IL1RAP: variants seen among roughly 807,000 people sequenced by gnomAD.
IL1RAP encodes the protein interleukin 1 receptor accessory protein.
IL1RAP carries 35 observed loss-of-function variants against 60.7 expected under a neutral mutation model. The ratio of observed to expected loss-of-function variants is 0.58; its 90% CI spans 0.44 to 0.76. IL1RAP has a LOEUF of 0.76. IL1RAP is among the 30% of genes least tolerant of loss of function. IL1RAP has a pLI of 0.00. For missense variants in IL1RAP, 572 were observed against 693.9 expected, an observed-to-expected ratio of 0.82 and a Z score of 1.97; for synonymous variants, 268 against 250.9, an observed-to-expected ratio of 1.07 and a Z score of -0.64.
rs1734241134 is a variant in IL1RAP, at chr3:190,649,108, G to C, written c.*403G>C. ...ACAGGGTCATGAGTTTCCGAGTATAGTTTTCTTTTTATCTTATTTTTACTC... is the reference window on the plus strand; with the variant it reads ...ACAGGGTCATGAGTTTCCGAGTATACTTTTCTTTTTATCTTATTTTTACTC... On this transcript the variant is annotated 3_prime_UTR_variant, in exon 12 of 12. Coordinates refer to ENST00000447382, the MANE Select transcript of IL1RAP (RefSeq NM_002182.4). 2 of 988,204 alleles carry C rather than the reference G, an allele frequency of 2.0e-6. No homozygotes were observed. The highest frequency in any genetic ancestry group is 2.4e-6 in the Non-Finnish European group (2 of 831,868). 61.2% of individuals were successfully genotyped at this position (988,204 alleles called of 1,614,324 possible).
At chr3:190,517,446 C>T (rs561458182) in intron 1 of IL1RAP, among the ~76,000 whole-genome samples, 97 of 152,180 alleles carry the variant, frequency 6.4e-4, no homozygotes, top group Non-Finnish European at 1.2e-3. Context: ...GCAAAGGTGG[C>T]ATTTGCAGAA....
chr3:190,514,697 C>A (rs1379978702), intron 1 of IL1RAP, among the ~76,000 whole-genome samples: 2 of 152,228 alleles, frequency 1.3e-5, no homozygotes, highest in Non-Finnish European at 2.9e-5. Context: ...TGCAGCCTCA[C>A]TCCCTCTTCC....
intron 3 of IL1RAP, among the ~76,000 whole-genome samples, chr3:190,595,953 C>A (rs759422278): frequency 6.6e-6 from 1 of 152,148 alleles, no homozygotes; most frequent in Non-Finnish European, 1.5e-5. Context: ...TCAGCTAATA[C>A]GTACTGAGCT....
rs1208373097 is a variant in IL1RAP at position 190,634,747 on chromosome 3, G to A, written c.1051+5249G>A. Among the ~76,000 whole-genome samples the A allele has an allele frequency of 3.8e-5, 5 of 132,884 alleles. 1 individual carries two copies. The highest frequency in any genetic ancestry group is 4.8e-4 in the South Asian group (2 of 4,176). The allele number at this position is 132,884 out of a possible 152,430, so 87.2% of individuals were successfully genotyped here. A position where few individuals can be genotyped will look rare whatever the true frequency, so the allele number is the denominator to read the frequency against. The stretch of plus-strand genomic sequence containing the variant: ...GTTGTTTTTTTTGAGAAGGAGTCTC[G>A]CTCTTTCGCCCAGGCTGGAGTGCAG... On this transcript the variant is annotated intron_variant, in intron 9 of 11. Transcript: ENST00000447382.
chr3:190,554,326 C>T (rs1218672108), intron 1 of IL1RAP, among the ~76,000 whole-genome samples: 3 of 152,068 alleles, frequency 2.0e-5, no homozygotes, highest in Admixed American at 6.5e-5. Flanking sequence ...GCAGGCTTCC[C>T]GCCTCACAGA....
chr3:190,655,481 A>G (rs558065290), downstream of IL1RAP, among the ~76,000 whole-genome samples: 1 of 152,208 alleles, frequency 6.6e-6, no homozygotes, highest in East Asian at 1.9e-4. Flanking sequence ...AAAACAAGAA[A>G]TAATTTGTAA....
At chr3:190,579,733 AC>A (rs1460759976) in intron 3 of IL1RAP, among the ~76,000 whole-genome samples, 2 of 152,116 alleles carry the variant, frequency 1.3e-5, no homozygotes, top group South Asian at 2.1e-4. Flanking sequence ...CCAATCCACA[AC>A]CCATTCTCCC....
At chr3:190,629,626 G>C (rs1732610466) in intron 9 of IL1RAP, 128 bp downstream of exon 9, 5 of 1,401,718 alleles carry the variant, frequency 3.6e-6, no homozygotes, top group Non-Finnish European at 4.7e-6. Context: ...CCATAGTAAT[G>C]AATCAAACTT....
chr3:190,538,967 TG>T (rs534865005), intron 1 of IL1RAP, among the ~76,000 whole-genome samples: 56 of 152,280 alleles, frequency 3.7e-4, no homozygotes, highest in African/African-American at 1.3e-3. Flanking sequence ...CATGCTGATT[TG>T]TGAGTCAATT....
At chr3:190,598,608 A>G (rs562641507) in intron 3 of IL1RAP, among the ~76,000 whole-genome samples, 1 of 152,220 alleles carries the variant, frequency 6.6e-6, no homozygotes, top group East Asian at 1.9e-4. Flanking sequence ...CAAAATAATT[A>G]TATACTTTCT....
intron 5 of IL1RAP, 67 bp downstream of exon 5, chr3:190,609,248 A>G: frequency 1.8e-6 from 2 of 1,107,134 alleles, no homozygotes; most frequent in South Asian, 3.2e-5. Flanking sequence ...TTATTTGCTG[A>G]GTTATATTTA....
intron 3 of IL1RAP, among the ~76,000 whole-genome samples, chr3:190,597,429 C>A (rs1229828227): frequency 6.6e-6 from 1 of 152,154 alleles, no homozygotes; most frequent in Non-Finnish European, 1.5e-5. Context: ...GCTTGAAAGT[C>A]AAGTGGCATT....
At chr3:190,586,760 T>C (rs2108694919) in intron 3 of IL1RAP, among the ~76,000 whole-genome samples, 1 of 152,066 alleles carries the variant, frequency 6.6e-6, no homozygotes, top group Non-Finnish European at 1.5e-5. Flanking sequence ...CTGACTCCTC[T>C]GCTTTTTAAA....
rs189945317 is a variant in IL1RAP, at chr3:190,593,597, C to A, written c.65-10531C>A. 1.1e-4 allele frequency among the ~76,000 whole-genome samples: 17 copies of A among 152,192 alleles called. No homozygotes were observed. The East Asian group carries it at 3.3e-3, about 29-fold the overall frequency. On this transcript the variant is annotated intron_variant, in intron 3 of 11. Coordinates refer to ENST00000447382, the MANE Select transcript of IL1RAP (RefSeq NM_002182.4). ...AGAAGGCAAATGAGGAGCAAAGTCA[C>A]GTCTTACATGTCAGCAGGCAAGAGA...
intron 3 of IL1RAP, among the ~76,000 whole-genome samples, chr3:190,594,316 A>G (rs1310719522): frequency 6.6e-6 from 1 of 152,218 alleles, no homozygotes; most frequent in Non-Finnish European, 1.5e-5. Flanking sequence ...GTAGAGGTGG[A>G]AAGTTCAGGG....
intron 1 of IL1RAP, among the ~76,000 whole-genome samples, chr3:190,539,722 A>G (rs186858885): frequency 1.5e-4 from 22 of 151,352 alleles, no homozygotes; most frequent in Admixed American, 1.3e-3. Context: ...AATGAAATAT[A>G]TAATTATAAA....
intron 7 of IL1RAP, 29 bp from the exon 8 acceptor site, chr3:190,627,294 T>C: frequency 1.4e-6 from 2 of 1,478,186 alleles, no homozygotes; most frequent in East Asian, 4.8e-5. Flanking sequence ...GTTTTTTGTT[T>C]TTTTTGTTTT....
At chr3:190,576,045 C>T (rs74566552) in intron 3 of IL1RAP, among the ~76,000 whole-genome samples, 8,634 of 132,638 alleles carry the variant, frequency 0.065, 346 homozygotes, top group Non-Finnish European at 0.085. Flanking sequence ...AATGCGAGGA[C>T]ATTTGGATAA....
At chr3:190,656,331 A>G, downstream of IL1RAP, 1 of 1,537,268 alleles carries the variant, frequency 6.5e-7, no homozygotes, top group Admixed American at 2.0e-5. Flanking sequence ...CTCCAGCCCC[A>G]GGCACAATGT....
Sources: gnomAD v4.1 joint callset for allele counts (sites outside exome capture counted in the v4.1 genomes callset) on GRCh38, gnomAD v4.1.1 for gene constraint, MANE v1.5 for transcripts, NCBI Gene and HGNC (gene_info 2026-07-23, HGNC 2026-07-21) for gene names.